TCF4: variants seen among roughly 807,000 people sequenced by gnomAD.
TCF4 encodes the protein transcription factor 4, also known as SL3-3 enhancer factor 2.
TCF4 carries 3 observed loss-of-function variants against 82.1 expected under a neutral mutation model. The ratio of observed to expected loss-of-function variants is 0.04; its 90% CI spans 0.02 to 0.09. The LOEUF (loss-of-function observed/expected upper bound fraction) is 0.09, where lower values mean the gene tolerates loss of function less well. Ranked by LOEUF, TCF4 falls within the 10% of genes least tolerant of loss-of-function variation. TCF4 has a pLI of 1.00. For synonymous variants in TCF4, 276 were observed against 309.6 expected, an observed-to-expected ratio of 0.89 and a Z score of 1.14; for missense variants, 518 against 852.7, an observed-to-expected ratio of 0.61 and a Z score of 4.89.
chr18:55,629,918 C>A (rs968788962), intron 2 of TCF4, among the ~76,000 whole-genome samples: 3 of 152,076 alleles, frequency 2.0e-5, no homozygotes, highest in Non-Finnish European at 4.4e-5. Flanking sequence ...AAAAAAAAGG[C>A]ATTTTATCAA....
chr18:55,278,726 G>A (rs1446847856), intron 9 of TCF4, among the ~76,000 whole-genome samples: 4 of 152,030 alleles, frequency 2.6e-5, no homozygotes, highest in East Asian at 1.9e-4. Context: ...CCACCACCAC[G>A]CCTGGCTAAT....
At chr18:55,411,171 A>C (rs1464704029) in intron 5 of TCF4, among the ~76,000 whole-genome samples, 1 of 152,188 alleles carries the variant, frequency 6.6e-6, no homozygotes, top group Non-Finnish European at 1.5e-5. Flanking sequence ...GTACCACTTG[A>C]ACCACCAAAG....
intron 1 of TCF4, among the ~76,000 whole-genome samples, chr18:55,634,808 C>G (rs1194475154): frequency 1.3e-5 from 2 of 151,974 alleles, no homozygotes; most frequent in African/African-American, 4.8e-5. Flanking sequence ...ATGTTAATTA[C>G]GTAGAAGTGA....
At chr18:55,606,539 A>G (rs1302437627) in intron 2 of TCF4, among the ~76,000 whole-genome samples, 1 of 152,224 alleles carries the variant, frequency 6.6e-6, no homozygotes, top group Non-Finnish European at 1.5e-5. Flanking sequence ...ATATGGATTT[A>G]TAACTCAGCA....
chr18:55,378,445 C>G (rs1234523166), intron 6 of TCF4, among the ~76,000 whole-genome samples: 1 of 152,170 alleles, frequency 6.6e-6, no homozygotes, highest in Admixed American at 6.5e-5. Flanking sequence ...AGACACTCTT[C>G]TAAGTGTCTT....
Position 55,632,328 on chromosome 18 carries a change from G to A in TCF4, c.196-940C>T, listed in dbSNP as rs142253116. On this transcript the variant is annotated intron_variant, in intron 1 of 20. Transcript: ENST00000398339. ...GCTGGGATTACAGGCATGAACCACC[G>A]CGCCCGGCCAACAGTTCTTTAGGTT... is the stretch of plus-strand genomic sequence containing the variant. Among the ~76,000 whole-genome samples the A allele has an allele frequency of 4.2e-3, 644 of 152,288 alleles. 3 individuals carry two copies. The highest frequency in any genetic ancestry group is 0.01 in the Middle Eastern group (3 of 294).
At chr18:55,405,628 AGATATAAGTTG>A (rs2146543089) in intron 5 of TCF4, among the ~76,000 whole-genome samples, 1 of 152,298 alleles carries the variant, frequency 6.6e-6, no homozygotes. Context: ...CCTCACTTAT[AGATATAAGTTG>A]GGCTACTCCT....
chr18:55,237,456 A>G (rs553890222), intron 15 of TCF4, among the ~76,000 whole-genome samples: 1 of 149,080 alleles, frequency 6.7e-6, no homozygotes, highest in Non-Finnish European at 1.5e-5. Context: ...TTAGAGACAA[A>G]GTTGTTCTGA....
chr18:55,278,087 A>C (rs1203643922), intron 9 of TCF4, among the ~76,000 whole-genome samples: 2 of 141,508 alleles, frequency 1.4e-5, no homozygotes, highest in Non-Finnish European at 2.9e-5. Context: ...CATTCCATCC[A>C]ATTTTATAGA....
intron 15 of TCF4, among the ~76,000 whole-genome samples, chr18:55,237,710 AT>A (rs2049966431): frequency 6.6e-6 from 1 of 152,144 alleles, no homozygotes; most frequent in Non-Finnish European, 1.5e-5. Flanking sequence ...GTCCAGAGCC[AT>A]GTAATAATGA....
At chr18:55,406,753 C>A (rs1183893576) in intron 5 of TCF4, among the ~76,000 whole-genome samples, 1 of 152,186 alleles carries the variant, frequency 6.6e-6, no homozygotes, top group Non-Finnish European at 1.5e-5. Flanking sequence ...CCCATCCCCA[C>A]AACCACAACG....
chr18:55,361,405 T>A (rs927689870), intron 6 of TCF4, among the ~76,000 whole-genome samples: 9 of 152,216 alleles, frequency 5.9e-5, no homozygotes, highest in African/African-American at 2.2e-4. Flanking sequence ...CATCTGTCTC[T>A]TCCCTTCCCT....
intron 8 of TCF4, among the ~76,000 whole-genome samples, chr18:55,288,097 C>G (rs1568722525): frequency 6.6e-6 from 1 of 152,116 alleles, no homozygotes; most frequent in Non-Finnish European, 1.5e-5. Context: ...GGCAGCAAAA[C>G]TGCCAGGAGA....
chr18:55,527,305 G>A (rs2096996832), intron 3 of TCF4, among the ~76,000 whole-genome samples: 1 of 152,226 alleles, frequency 6.6e-6, no homozygotes, highest in South Asian at 2.1e-4. Context: ...TAAATCAGGT[G>A]AGCAGAGGGA....
At chr18:55,363,288 A>G (rs1431438499) in intron 6 of TCF4, among the ~76,000 whole-genome samples, 4 of 152,204 alleles carry the variant, frequency 2.6e-5, no homozygotes, top group Non-Finnish European at 5.9e-5. Context: ...AAAATGATAA[A>G]TTATTCAATA....
At chr18:55,619,026 A>T (rs1381295134) in intron 2 of TCF4, among the ~76,000 whole-genome samples, 2 of 152,108 alleles carry the variant, frequency 1.3e-5, no homozygotes, top group African/African-American at 4.8e-5. Flanking sequence ...GATTCATAGA[A>T]TGAGATTAAG....
chr18:55,233,733 C>T (rs530483912), intron 16 of TCF4, among the ~76,000 whole-genome samples: 1 of 149,982 alleles, frequency 6.7e-6, no homozygotes, highest in Non-Finnish European at 1.5e-5. Context: ...GCAGGAGAAT[C>T]GCTTGAACCT....
At chr18:55,407,486 G>A (rs2094149068) in intron 5 of TCF4, among the ~76,000 whole-genome samples, 1 of 152,062 alleles carries the variant, frequency 6.6e-6, no homozygotes, top group Non-Finnish European at 1.5e-5. Context: ...AACAGTCCAG[G>A]AAGTCAACAT....
At chr18:55,261,069 C>CTTTTTTTTT (rs78112276) in intron 12 of TCF4, 1 of 91,896 alleles carries the variant, frequency 1.1e-5, no homozygotes, top group African/African-American at 4.0e-5. Flanking sequence ...CAGTTATTGT[C>CTTTTTTTTT]TTTTTTTTTT....
Sources: allele counts gnomAD v4.1 joint callset (sites outside exome capture counted in the v4.1 genomes callset), GRCh38; gene constraint gnomAD v4.1.1; transcripts MANE v1.5; gene names NCBI Gene and HGNC (gene_info 2026-07-23, HGNC 2026-07-21).